Variants in PRKCA observed in about 807,000 individuals in gnomAD.
PRKCA encodes the protein protein kinase C alpha.
In PRKCA, 27 loss-of-function variants were observed where a neutral mutation model predicts 87.0. That is an observed-to-expected ratio of 0.31 (90% CI 0.23 to 0.43). The LOEUF (loss-of-function observed/expected upper bound fraction) is 0.43, where lower values mean the gene tolerates loss of function less well. PRKCA is among the 20% of genes least tolerant of loss of function. The pLI is 1.00. For missense variants in PRKCA, 518 were observed against 852.3 expected, an observed-to-expected ratio of 0.61 and a Z score of 4.88; for synonymous variants, 329 against 311.1, an observed-to-expected ratio of 1.06 and a Z score of -0.61.
At position 66,441,355 on chromosome 17, in the gene PRKCA, A is replaced by AC. The variant is rs534179265; in HGVS notation, c.206-54846_206-54845insC. On this transcript the variant is annotated intron_variant, in intron 2 of 16. Coordinates refer to ENST00000413366, the MANE Select transcript of PRKCA (RefSeq NM_002737.3). ...CAACGCCCTGTTTCCAAAAAAAAAA[A>AC]AAGATTGGGGTGCTCTTAAGCTCAC... 9.3e-4 allele frequency among the ~76,000 whole-genome samples: 141 copies of AC among 151,894 alleles called. 1 individual carries two copies. In the Middle Eastern group the frequency reaches 0.02, roughly 22 times the overall value.
At chr17:66,752,698 GC>G (rs1974464916) in intron 13 of PRKCA, among the ~76,000 whole-genome samples, 1 of 152,236 alleles carries the variant, frequency 6.6e-6, no homozygotes, top group East Asian at 1.9e-4. Context: ...CCATGGCTCT[GC>G]TGGGGCTGGA....
At position 66,732,601 on chromosome 17, in the gene PRKCA, A is replaced by G. The variant is rs1806301553; in HGVS notation, c.919-87A>G. ...CACCCCATCCCACCTCCAAGCAAAC[A>G]TTAAACTCAGTTACAACACGGTGGT... On this transcript the variant is annotated intron_variant, in intron 8 of 16. Coordinates refer to ENST00000413366, the MANE Select transcript of PRKCA (RefSeq NM_002737.3). 10 of 1,549,426 alleles carry G rather than the reference A, an allele frequency of 6.5e-6. No individual in the cohort carries two copies. In the South Asian group the frequency reaches 7.9e-5, roughly 12 times the overall value.
At position 66,350,976 on chromosome 17, in the gene PRKCA, C is replaced by T. The variant is rs182237706; in HGVS notation, c.205+44849C>T. Among the ~76,000 whole-genome samples the T allele has an allele frequency of 2.3e-3, 358 of 152,370 alleles. 1 individual carries two copies. The highest frequency in any genetic ancestry group is 0.01 in the Middle Eastern group (3 of 294). ...TTCTCTGCATTGCTGCGATCTGCCA[C>T]ACTTCTCGTTTTATCATGGACTGCA... On this transcript the variant is annotated intron_variant, in intron 2 of 16. Transcript: ENST00000413366.
intron 5 of PRKCA, among the ~76,000 whole-genome samples, chr17:66,674,226 C>A (rs536879094): frequency 5.7e-4 from 87 of 152,276 alleles, no homozygotes; most frequent in African/African-American, 2.0e-3. Context: ...CTGGGCTAGG[C>A]TGGCAGGAGA....
chr17:66,727,922 C>G (rs1486275629), intron 8 of PRKCA, among the ~76,000 whole-genome samples: 1 of 152,188 alleles, frequency 6.6e-6, no homozygotes, highest in Non-Finnish European at 1.5e-5. Context: ...TCCCCCACCC[C>G]CAGTGATGTA....
At chr17:66,531,686 A>G (rs1019018047) in intron 3 of PRKCA, among the ~76,000 whole-genome samples, 1 of 152,102 alleles carries the variant, frequency 6.6e-6, no homozygotes, top group Non-Finnish European at 1.5e-5. Flanking sequence ...GTCTCCCTTC[A>G]AGGGTTAAAT....
chr17:66,708,630 A>G (rs987975232), intron 8 of PRKCA, among the ~76,000 whole-genome samples: 5 of 152,228 alleles, frequency 3.3e-5, no homozygotes, highest in African/African-American at 9.6e-5. Flanking sequence ...GACCTATTGC[A>G]GATGGCAGTT....
intron 2 of PRKCA, among the ~76,000 whole-genome samples, chr17:66,325,455 A>G (rs1378290298): frequency 1.3e-5 from 2 of 152,094 alleles, no homozygotes; most frequent in East Asian, 3.9e-4. Context: ...CTCCCGCCCC[A>G]CTTTAAAAAA....
At chr17:66,554,401 G>T (rs1598764160) in intron 3 of PRKCA, 1 of 289,810 alleles carries the variant, frequency 3.5e-6, no homozygotes. Flanking sequence ...GATTTTTAGA[G>T]CCTCCATTAC....
intron 2 of PRKCA, among the ~76,000 whole-genome samples, chr17:66,343,162 A>G (rs1907145441): frequency 6.6e-6 from 1 of 151,864 alleles, no homozygotes; most frequent in South Asian, 2.1e-4. Context: ...TGTTTGGTTT[A>G]CCGTGCTGAC....
At chr17:66,362,557 T>C (rs1454851976) in intron 2 of PRKCA, among the ~76,000 whole-genome samples, 3 of 152,198 alleles carry the variant, frequency 2.0e-5, no homozygotes, top group Admixed American at 6.5e-5. Flanking sequence ...GAGATAAGTC[T>C]CACTTTTGTG....
chr17:66,700,529 C>CAT (rs541777362), intron 8 of PRKCA, among the ~76,000 whole-genome samples: 179 of 151,412 alleles, frequency 1.2e-3, no homozygotes, highest in African/African-American at 3.7e-3. Flanking sequence ...ATGACATGAT[C>CAT]ATATATATAT....
intron 3 of PRKCA, among the ~76,000 whole-genome samples, chr17:66,514,951 G>A (rs1393926551): frequency 6.6e-6 from 1 of 152,028 alleles, no homozygotes; most frequent in Admixed American, 6.6e-5. Flanking sequence ...AGTTAACTTA[G>A]TTTTGTGATA....
At chr17:66,682,158 G>A (rs375102986) in intron 5 of PRKCA, among the ~76,000 whole-genome samples, 2 of 152,274 alleles carry the variant, frequency 1.3e-5, no homozygotes, top group East Asian at 1.9e-4. Context: ...CACCTGCATC[G>A]GGGATCACTG....
At chr17:66,646,225 G>T (rs1263951575) in intron 5 of PRKCA, among the ~76,000 whole-genome samples, 1 of 152,154 alleles carries the variant, frequency 6.6e-6, no homozygotes, top group Non-Finnish European at 1.5e-5. Flanking sequence ...CAGGGGCCTG[G>T]TTACTCCCTC....
At chr17:66,589,745 T>G (rs1026430899) in intron 3 of PRKCA, among the ~76,000 whole-genome samples, 1 of 152,190 alleles carries the variant, frequency 6.6e-6, no homozygotes, top group Non-Finnish European at 1.5e-5. Context: ...GATAAGATGA[T>G]CTCACTCCCT....
rs1451038680 is a variant in PRKCA at position 66,688,851 on chromosome 17, C to T, written c.822-100C>T. On this transcript the variant is annotated intron_variant, in intron 7 of 16. Coordinates refer to ENST00000413366, the MANE Select transcript of PRKCA (RefSeq NM_002737.3). ...CAAATGTCTACTGATCTGGCTGTAGCCTCTCCGTAGGATGCGTTTCACAAA... is the reference window on the plus strand; with the variant it reads ...CAAATGTCTACTGATCTGGCTGTAGTCTCTCCGTAGGATGCGTTTCACAAA... The T allele has an allele frequency of 6.8e-6, 5 of 732,522 alleles. No individual in the cohort carries two copies. The African/African-American group carries it at 8.9e-5, about 13-fold the overall frequency. 45.4% of individuals were successfully genotyped at this position (732,522 alleles called of 1,614,324 possible).
At chr17:66,552,417 C>T (rs761739470) in intron 3 of PRKCA, among the ~76,000 whole-genome samples, 25 of 152,360 alleles carry the variant, frequency 1.6e-4, no homozygotes, top group Middle Eastern at 3.4e-3. Context: ...AGTTCAGCTG[C>T]GTGCTTGTGA....
At chr17:66,414,080 CCTAT>C in intron 2 of PRKCA, among the ~76,000 whole-genome samples, 1 of 151,760 alleles carries the variant, frequency 6.6e-6, no homozygotes, top group East Asian at 1.9e-4. Context: ...ACGTAATTTC[CCTAT>C]CTATTTATAA....
Sources: gnomAD v4.1 joint callset for allele counts (sites outside exome capture counted in the v4.1 genomes callset) on GRCh38, gnomAD v4.1.1 for gene constraint, MANE v1.5 for transcripts, NCBI Gene and HGNC (gene_info 2026-07-23, HGNC 2026-07-21) for gene names.